HORMAD2: variants seen among roughly 807,000 people sequenced by gnomAD.
HORMAD2 encodes HORMA domain containing 2, also known as HORMA domain-containing protein 2.
A neutral mutation model predicts 38.8 loss-of-function variants in HORMAD2; 45 were observed. That is an observed-to-expected ratio of 1.16 (90% CI 0.91 to 1.49). HORMAD2 has a LOEUF of 1.49. HORMAD2 is among the 40% of genes most tolerant of loss of function. The pLI, the probability that HORMAD2 is intolerant of heterozygous loss-of-function variation, is 0.00. For missense variants in HORMAD2, 338 were observed against 367.0 expected (o/e 0.92, Z 0.65); for synonymous variants, 126 against 122.8 (o/e 1.03, Z -0.17).
the HORMAD2 span, among the ~76,000 whole-genome samples, chr22:30,183,526 CATGTGCTCATTCAT>C: frequency 9.9e-5 from 15 of 152,232 alleles, no homozygotes; most frequent in Non-Finnish European, 2.1e-4. Flanking sequence ...TAAGCACCTA[CATGTGCTCATTCAT>C]TTAATCCTCT....
In HORMAD2 at chr22:30,093,882, C is replaced by T. The variant is rs2068735171; in HGVS notation, c.-37-34C>T. Reference sequence around the variant, plus strand: ...GTAAGAGAGGAAGCATTATATTTGGCAAGGTCTCTAATTAATTAATTATTT... The same window carrying T: ...GTAAGAGAGGAAGCATTATATTTGGTAAGGTCTCTAATTAATTAATTATTT... On this transcript the variant is annotated intron_variant, in intron 1 of 10. Transcript: ENST00000336726. 6 of 1,054,878 alleles carry T rather than the reference C, an allele frequency of 5.7e-6. No homozygotes were observed. In the South Asian group the frequency reaches 8.1e-5, roughly 14 times the overall value. The allele number at this position is 1,054,878 out of a possible 1,614,324, so 65.3% of individuals were successfully genotyped here.
intron 2 of HORMAD2, among the ~76,000 whole-genome samples, chr22:30,095,936 A>G (rs2068773866): frequency 6.6e-6 from 1 of 152,162 alleles, no homozygotes; most frequent in Non-Finnish European, 1.5e-5. Context: ...GCTGTCTTCT[A>G]GTTATTATTA....
At chr22:30,082,865 G>GAT (rs2068509084) in intron 1 of HORMAD2, among the ~76,000 whole-genome samples, 1 of 151,836 alleles carries the variant, frequency 6.6e-6, no homozygotes, top group Non-Finnish European at 1.5e-5. Flanking sequence ...GGGCAATTGA[G>GAT]ATATAGGTCA....
intron 10 of HORMAD2, among the ~76,000 whole-genome samples, chr22:30,141,498 T>C: frequency 6.6e-6 from 1 of 152,198 alleles, no homozygotes; most frequent in East Asian, 1.9e-4. Context: ...CAATTTGTAG[T>C]CTTTTATCCC....
the HORMAD2 span, among the ~76,000 whole-genome samples, chr22:30,186,407 C>T: frequency 6.0e-5 from 9 of 149,180 alleles, no homozygotes; most frequent in Non-Finnish European, 1.3e-4. Flanking sequence ...TTTTGGGCTA[C>T]ACCTCATCAA....
At chr22:30,202,633 CG>C in the HORMAD2 span, among the ~76,000 whole-genome samples, 4 of 152,060 alleles carry the variant, frequency 2.6e-5, no homozygotes, top group African/African-American at 9.7e-5. Context: ...GCCTGAGTAA[CG>C]AAGCTCAACA....
At chr22:30,131,371 A>G (rs1360860839) in intron 10 of HORMAD2, among the ~76,000 whole-genome samples, 3 of 152,152 alleles carry the variant, frequency 2.0e-5, no homozygotes, top group Admixed American at 1.3e-4. Flanking sequence ...GCAGGGGTCT[A>G]CTATAATTTT....
chr22:30,078,472 G>A (rs1169280542), upstream of HORMAD2, among the ~76,000 whole-genome samples: 2 of 151,546 alleles, frequency 1.3e-5, no homozygotes, highest in Non-Finnish European at 1.5e-5. Flanking sequence ...CGGGCATGGT[G>A]ATGCATGCCT....
In HORMAD2 at chr22:30,142,146, GC is replaced by G. The variant is rs1358908570; in HGVS notation, c.819+19933del. Among the ~76,000 whole-genome samples the G allele has an allele frequency of 1.3e-5, 2 of 152,116 alleles. 1 individual carries two copies. Among genetic ancestry groups the G allele is most frequent in the Non-Finnish European group, 2.9e-5 (2 of 68,016 alleles). On this transcript the variant is annotated intron_variant, in intron 10 of 10. Transcript: ENST00000336726. ...AAACAAAAACCACCCAGGCGTGGTGGCATGCGCCTGTGGTCCTACCTACTTG... is the reference window on the plus strand; with the variant it reads ...AAACAAAAACCACCCAGGCGTGGTGGATGCGCCTGTGGTCCTACCTACTTG...
At chr22:30,088,037 G>GTATACATATGTACACACGTATACA (rs146994681) in intron 1 of HORMAD2, among the ~76,000 whole-genome samples, 37,070 of 139,764 alleles carry the variant, frequency 0.27, 6,895 homozygotes, top group African/African-American at 0.53. Context: ...CTGTATATGT[G>GTATACATATGTACACACGTATACA]TATACACACG....
intron 1 of HORMAD2, among the ~76,000 whole-genome samples, chr22:30,081,922 T>C (rs1018705742): frequency 6.6e-6 from 1 of 152,100 alleles, no homozygotes; most frequent in African/African-American, 2.4e-5. Flanking sequence ...TTTAAATCCA[T>C]GATCCATTTT....
chr22:30,155,607 A>G (rs1258800360), intron 10 of HORMAD2, among the ~76,000 whole-genome samples: 1 of 152,012 alleles, frequency 6.6e-6, no homozygotes, highest in Non-Finnish European at 1.5e-5. Flanking sequence ...AATAGCCACA[A>G]TGTGGTTTCT....
chr22:30,128,658 A>G (rs893306047), intron 10 of HORMAD2, among the ~76,000 whole-genome samples: 19 of 152,192 alleles, frequency 1.2e-4, no homozygotes, highest in African/African-American at 4.6e-4. Flanking sequence ...ATCATTTTCC[A>G]GAAGCTGCCA....
At chr22:30,159,140 T>A (rs1429502399) in intron 10 of HORMAD2, among the ~76,000 whole-genome samples, 1 of 152,118 alleles carries the variant, frequency 6.6e-6, no homozygotes, top group Admixed American at 6.6e-5. Context: ...TGCGGAAAAA[T>A]TAGAAAAGTT....
intron 10 of HORMAD2, among the ~76,000 whole-genome samples, chr22:30,170,067 A>G (rs892924004): frequency 3.3e-5 from 5 of 152,176 alleles, no homozygotes; most frequent in African/African-American, 1.2e-4. Context: ...CAAAACTAAC[A>G]TCAGTGGTAT....
intron 5 of HORMAD2, among the ~76,000 whole-genome samples, chr22:30,108,571 T>C (rs902657694): frequency 1.3e-5 from 2 of 152,134 alleles, no homozygotes; most frequent in Non-Finnish European, 2.9e-5. Context: ...AGTAAATACT[T>C]CCCTCCCTGA....
At chr22:30,112,007 A>G (rs1245842106) in intron 6 of HORMAD2, among the ~76,000 whole-genome samples, 191 bp downstream of exon 6, 2 of 152,098 alleles carry the variant, frequency 1.3e-5, no homozygotes, top group African/African-American at 4.8e-5. Context: ...TTGGTATAAT[A>G]CATGGGAAAA....
intron 10 of HORMAD2, among the ~76,000 whole-genome samples, chr22:30,136,126 T>C (rs1377111965): frequency 6.6e-6 from 1 of 152,204 alleles, no homozygotes; most frequent in Admixed American, 6.5e-5. Flanking sequence ...TGGAAACAAT[T>C]AGGTGTTTCT....
chr22:30,112,256 A>G lies in HORMAD2; in HGVS notation c.316-240A>G, dbSNP rs80175526. Among the ~76,000 whole-genome samples the G allele has an allele frequency of 3.3e-5, 5 of 152,214 alleles. No homozygotes were observed. The South Asian group carries it at 1.0e-3, about 32-fold the overall frequency. On this transcript the variant is annotated intron_variant, in intron 6 of 10. Transcript: ENST00000336726. Reference sequence around the variant, plus strand: ...AACCATAATGGATTATTTAGAATTTATTTGTAGCTTAGTCATGGTAATTAT... The same window carrying G: ...AACCATAATGGATTATTTAGAATTTGTTTGTAGCTTAGTCATGGTAATTAT...
Sources: gnomAD v4.1 joint callset for allele counts (sites outside exome capture counted in the v4.1 genomes callset) on GRCh38, gnomAD v4.1.1 for gene constraint, MANE v1.5 for transcripts, NCBI Gene and HGNC (gene_info 2026-07-23, HGNC 2026-07-21) for gene names.